WDR27: variants seen among roughly 807,000 people sequenced by gnomAD.
The protein encoded by WDR27 is WD repeat-containing protein 27.
WDR27 carries 100 observed loss-of-function variants against 114.4 expected under a neutral mutation model. The observed-to-expected ratio is 0.87, with a 90% CI of 0.74 to 1.03. WDR27 has a LOEUF of 1.03. Among genes scored for constraint, WDR27 ranks in the 50% least tolerant of loss-of-function variants. The pLI is 0.00. For synonymous variants in WDR27, 449 were observed against 423.1 expected, an observed-to-expected ratio of 1.06 and a Z score of -0.75; for missense variants, 1,129 against 1,092.9, an observed-to-expected ratio of 1.03 and a Z score of -0.47.
At chr6:169,635,253 G>T (rs1310400250) in intron 19 of WDR27, among the ~76,000 whole-genome samples, 1 of 151,982 alleles carries the variant, frequency 6.6e-6, no homozygotes, top group African/African-American at 2.4e-5. Context: ...TGGGGGAAGG[G>T]GGGCGCCTGT....
the WDR27 span, among the ~76,000 whole-genome samples, chr6:169,433,490 T>C: frequency 6.6e-6 from 1 of 152,236 alleles, no homozygotes; most frequent in Non-Finnish European, 1.5e-5. Flanking sequence ...CAGTCTATCA[T>C]TGATGGGCAT....
At chr6:169,460,988 A>AG (rs1784839481) in intron 25 of WDR27, among the ~76,000 whole-genome samples, 1 of 151,804 alleles carries the variant, frequency 6.6e-6, no homozygotes, top group African/African-American at 2.4e-5. Flanking sequence ...CACCAATAAC[A>AG]GAAAAAAAAA....
At chr6:169,668,500 A>G in intron 4 of WDR27, 1 of 272,118 alleles carries the variant, frequency 3.7e-6, no homozygotes, top group Admixed American at 4.8e-5. Context: ...CCTACAAGAC[A>G]AGACGGTGCG....
intron 25 of WDR27, among the ~76,000 whole-genome samples, chr6:169,517,760 A>G (rs925866555): frequency 4.6e-5 from 7 of 152,068 alleles, no homozygotes; most frequent in African/African-American, 1.7e-4. Context: ...TGAACTTTTT[A>G]TTTTTCAGTA....
chr6:169,588,202 G>C (rs542230525), intron 23 of WDR27, among the ~76,000 whole-genome samples: 8 of 152,224 alleles, frequency 5.3e-5, no homozygotes, highest in Non-Finnish European at 7.3e-5. Flanking sequence ...CAGGGGTGAT[G>C]AAATGAGGAC....
At chr6:169,701,118 G>A (rs1027698092) in intron 1 of WDR27, among the ~76,000 whole-genome samples, 1 of 152,176 alleles carries the variant, frequency 6.6e-6, no homozygotes, top group Non-Finnish European at 1.5e-5. Context: ...GTACAGAGCA[G>A]TGTGTGTAAA....
At chr6:169,503,433 G>C (rs902316866) in intron 25 of WDR27, among the ~76,000 whole-genome samples, 2 of 152,184 alleles carry the variant, frequency 1.3e-5, no homozygotes, top group African/African-American at 2.4e-5. Flanking sequence ...AACAACAGAT[G>C]ACCTATCCCT....
chr6:169,605,160 A>T (rs918531968), intron 22 of WDR27, among the ~76,000 whole-genome samples: 1 of 150,986 alleles, frequency 6.6e-6, no homozygotes, highest in Non-Finnish European at 1.5e-5. Context: ...AAATTGGTAA[A>T]GAGGACATCA....
intron 23 of WDR27, among the ~76,000 whole-genome samples, chr6:169,595,769 T>C (rs1016181542): frequency 7.1e-6 from 1 of 140,192 alleles, no homozygotes; most frequent in Non-Finnish European, 1.5e-5. Context: ...CAATCTTACC[T>C]TGGTTTTATA....
the WDR27 span, among the ~76,000 whole-genome samples, chr6:169,430,712 T>C: frequency 3.3e-5 from 5 of 152,226 alleles, no homozygotes; most frequent in East Asian, 1.9e-4. Context: ...GCTGTCCTCA[T>C]CTGTAATAGT....
downstream of WDR27, among the ~76,000 whole-genome samples, chr6:169,454,091 G>A (rs1784255843): frequency 6.6e-6 from 1 of 152,180 alleles, no homozygotes; most frequent in Non-Finnish European, 1.5e-5. Flanking sequence ...TATTCCTAAT[G>A]ACGACCTGAA....
chr6:169,471,931 G>A (rs1323001213), intron 25 of WDR27, among the ~76,000 whole-genome samples: 1 of 152,130 alleles, frequency 6.6e-6, no homozygotes, highest in African/African-American at 2.4e-5. Context: ...ATGGCGGGAG[G>A]GGCAGGAGCA....
At chr6:169,596,958 A>G (rs1806916189) in intron 23 of WDR27, among the ~76,000 whole-genome samples, 14 of 152,150 alleles carry the variant, frequency 9.2e-5, no homozygotes, top group Admixed American at 9.2e-4. Context: ...TTTGATTTAT[A>G]TATTTTGAAA....
chr6:169,666,304 T>C, intron 6 of WDR27: 1 of 829,372 alleles, frequency 1.2e-6, no homozygotes. Context: ...AGTCCACACA[T>C]GGATACATTA....
chr6:169,669,001 G>A (rs1828650369), intron 4 of WDR27, among the ~76,000 whole-genome samples: 2 of 152,152 alleles, frequency 1.3e-5, no homozygotes, highest in Admixed American at 6.5e-5. Context: ...AATAGGGAGA[G>A]TTATGACACT....
intron 1 of WDR27, among the ~76,000 whole-genome samples, chr6:169,695,252 A>G (rs900686141): frequency 6.6e-6 from 1 of 152,206 alleles, no homozygotes. Flanking sequence ...GGACCGATGG[A>G]AGCCAGTACG....
rs548829247 is a variant in WDR27, at chr6:169,670,287, C to T, written c.456+282G>A. 1.1e-5 allele frequency: 3 copies of T among 262,644 alleles called. No homozygotes were observed. The South Asian group carries it at 2.7e-4, about 24-fold the overall frequency. 16.3% of individuals were successfully genotyped at this position (262,644 alleles called of 1,614,324 possible). ...AAGGATGCCTACAATCAGGGAATAT[C>T]TGAGAAATAATAGTTTTGCAGAACA... On this transcript the variant is annotated intron_variant, in intron 4 of 25. Coordinates refer to ENST00000448612, the MANE Select transcript of WDR27 (RefSeq NM_182552.5).
At chr6:169,649,883 A>G (rs2128240541) in intron 14 of WDR27, among the ~76,000 whole-genome samples, 1 of 130,718 alleles carries the variant, frequency 7.7e-6, no homozygotes, top group East Asian at 2.4e-4. Context: ...TCCATATCTC[A>G]TCTCTCCATC....
At chr6:169,581,200 C>T (rs1468649555) in intron 24 of WDR27, among the ~76,000 whole-genome samples, 2 of 152,028 alleles carry the variant, frequency 1.3e-5, no homozygotes, top group Non-Finnish European at 2.9e-5. Flanking sequence ...CTTTTTCTCA[C>T]TGAAAAGTTT....
Sources: gnomAD v4.1 joint callset for allele counts (sites outside exome capture counted in the v4.1 genomes callset) on GRCh38, gnomAD v4.1.1 for gene constraint, MANE v1.5 for transcripts, NCBI Gene and HGNC (gene_info 2026-07-23, HGNC 2026-07-21) for gene names.